PRDM4: variants seen among roughly 807,000 people sequenced by gnomAD.
The protein encoded by PRDM4 is PR/SET domain 4.
Under a neutral mutation model 62.3 loss-of-function variants are expected in PRDM4, and 38 were observed. The ratio of observed to expected loss-of-function variants is 0.61; its 90% confidence interval spans 0.47 to 0.80. The LOEUF (loss-of-function observed/expected upper bound fraction) is 0.80. PRDM4 is among the 30% of genes least tolerant of loss of function. The probability of loss-of-function intolerance (pLI) is 0.00; values close to 1 mark genes in which losing one functional copy is unlikely to be tolerated. For synonymous variants in PRDM4, 339 were observed against 348.2 expected, an observed-to-expected ratio of 0.97 and a Z score of 0.30; for missense variants, 858 against 997.1, an observed-to-expected ratio of 0.86 and a Z score of 1.88.
intron 2 of PRDM4, 66 bp from the exon 3 acceptor site, chr12:107,757,031 G>A: frequency 2.0e-6 from 3 of 1,527,046 alleles, no homozygotes; most frequent in African/African-American, 1.4e-5. Context: ...TTAAGATACT[G>A]AAGAAACTGA....
At chr12:107,739,348 C>G (rs1313700198) in intron 11 of PRDM4, 35 bp downstream of exon 11, 2 of 1,601,166 alleles carry the variant, frequency 1.2e-6, no homozygotes, top group South Asian at 2.3e-5. Context: ...GGCTCACCAC[C>G]TGAGGAACGA....
rs568266062 is a variant in PRDM4 at position 107,749,444 on chromosome 12, G to T, written c.1126+1971C>A. On this transcript the variant is annotated intron_variant, in intron 5 of 11. Coordinates refer to ENST00000228437, the MANE Select transcript of PRDM4 (RefSeq NM_012406.4). ...AGACAGGGTTTCACTATGCTGCCCA[G>T]GCTGATCTTGAACTCCTGGTCTCAA... is the stretch of plus-strand genomic sequence containing the variant. 3.9e-4 allele frequency among the ~76,000 whole-genome samples: 58 copies of T among 148,802 alleles called. 1 individual carries two copies. The highest frequency in any genetic ancestry group is 1.4e-3 in the African/African-American group (55 of 40,070).
intron 11 of PRDM4, among the ~76,000 whole-genome samples, chr12:107,737,127 C>G (rs1036274949): frequency 6.6e-6 from 1 of 151,680 alleles, no homozygotes; most frequent in African/African-American, 2.4e-5. Context: ...TGCTCACTTC[C>G]TCTTTCTTAC....
rs772384079 is a variant in PRDM4, at chr12:107,741,090, T to C, written c.1780A>G (p.Met594Val). ...HSKERKWKCS[M>V]CPQAFISPSK... ...GGAGAGATAAAAGCTTGGGGGCACA[T>C]TGAGCACTTCCACTTCCTTTCTTTG... The change falls in exon 10 of 12, where the codon ATG (methionine) becomes GTG (valine). Residue 594 changes from methionine (M) to valine (V), a missense_variant. By Grantham distance (21) the Met-to-Val change is conservative (BLOSUM62 1). Coordinates refer to ENST00000228437, the MANE Select transcript of PRDM4 (RefSeq NM_012406.4). 2.3e-5 allele frequency: 37 copies of C among 1,613,992 alleles called. No homozygotes were observed. Among genetic ancestry groups the C allele is most frequent in the East Asian group, 6.7e-5 (3 of 44,872 alleles).
intron 4 of PRDM4, among the ~76,000 whole-genome samples, 157 bp downstream of exon 4, chr12:107,753,767 A>G (rs1477491116): frequency 6.6e-6 from 1 of 152,232 alleles, no homozygotes; most frequent in African/African-American, 2.4e-5. Context: ...TTCTAAGAGG[A>G]AAAGTACATA....
At position 107,733,861 on chromosome 12, in the gene PRDM4, GAAT is replaced by G. The variant is rs1163710753; in HGVS notation, c.*346_*348del. 5 of 234,642 alleles carry G rather than the reference GAAT, an allele frequency of 2.1e-5. No homozygotes were observed. The highest frequency in any genetic ancestry group is 5.2e-5 in the Admixed American group (1 of 19,310). 14.5% of individuals were successfully genotyped at this position (234,642 alleles called of 1,614,324 possible). On this transcript the variant is annotated 3_prime_UTR_variant, in exon 12 of 12. Coordinates refer to ENST00000228437, the MANE Select transcript of PRDM4 (RefSeq NM_012406.4). ...AAGTCACAGGACCAGCAGGAAAATG[GAAT>G]AATGGAAGAATGTGAAATAAATCTG...
At chr12:107,759,485 G>C (rs1891162373) in intron 2 of PRDM4, among the ~76,000 whole-genome samples, 1 of 152,074 alleles carries the variant, frequency 6.6e-6, no homozygotes, top group African/African-American at 2.4e-5. Flanking sequence ...CTCTCATTCT[G>C]AAAATTCCTG....
At chr12:107,754,758 T>A (rs2136331730) in intron 3 of PRDM4, 1 of 152,300 alleles carries the variant, frequency 6.6e-6, no homozygotes, top group Non-Finnish European at 1.5e-5. Flanking sequence ...ACATAAAATG[T>A]TCATAGGAGT....
rs573661276 is a variant in PRDM4 at position 107,751,866 on chromosome 12, G to C, written c.675C>G (p.Ile225Met). 6.2e-7 allele frequency: 1 copy of C among 1,614,224 alleles called. No individual in the cohort carries two copies. The highest frequency in any genetic ancestry group is 2.2e-5 in the East Asian group (1 of 44,878). ...GTTCATGACTTCTGGAGCCATTTGG[G>C]ATTTGGGAATGCTCGCCTGCAACAC... ...MDGVAGEHSQ[I>M]PNGSRSHEPL... The change falls in exon 5 of 12, where the codon ATC becomes ATG. Residue 225 changes from isoleucine to methionine, a missense_variant. Ile to Met is a conservative substitution (Grantham distance 10). Transcript: ENST00000228437.
At chr12:107,746,484 C>T in intron 5 of PRDM4, 60 bp from the exon 6 acceptor site, 2 of 1,406,566 alleles carry the variant, frequency 1.4e-6, no homozygotes, top group Non-Finnish European at 1.9e-6. Context: ...TAAATTACCA[C>T]CACGGTTTTT....
Position 107,733,328 on chromosome 12 carries a change from C to T in PRDM4, c.*882G>A, listed in dbSNP as rs1272415341. The T allele has an allele frequency of 2.6e-5, 4 of 152,192 alleles. No individual in the cohort carries two copies. Among genetic ancestry groups the T allele is most frequent in the Admixed American group, 2.6e-4 (4 of 15,276 alleles). The allele number at this position is 152,192 out of a possible 1,614,324, so 9.4% of individuals were successfully genotyped here. On this transcript the variant is annotated 3_prime_UTR_variant, in exon 12 of 12. Transcript: ENST00000228437. ...GGTAAATGAAACATAAAAGATTATT[C>T]CCTTCCTTCCCTTCCTCAGGTGAGT... is the stretch of plus-strand genomic sequence containing the variant.
At chr12:107,749,345 CA>C (rs1227368096) in intron 5 of PRDM4, among the ~76,000 whole-genome samples, 1 of 151,490 alleles carries the variant, frequency 6.6e-6, no homozygotes, top group Non-Finnish European at 1.5e-5. Flanking sequence ...AAATCAAAAT[CA>C]TATCCTCCTC....
chr12:107,736,454 T>C (rs1309526452), intron 11 of PRDM4: 2 of 152,218 alleles, frequency 1.3e-5, no homozygotes, highest in African/African-American at 4.8e-5. Flanking sequence ...TGGATGTGCT[T>C]AGTATGCTCA....
In PRDM4 at chr12:107,734,128, A is replaced by G. The variant is rs1229931186; in HGVS notation, c.*82T>C. ...GAAAATAAATCAGGAACCATTTTATATAAAAACCATTATAGTAGATAACTG... is the reference window on the plus strand; with the variant it reads ...GAAAATAAATCAGGAACCATTTTATGTAAAAACCATTATAGTAGATAACTG... On this transcript the variant is annotated 3_prime_UTR_variant, in exon 12 of 12. Coordinates refer to ENST00000228437, the MANE Select transcript of PRDM4 (RefSeq NM_012406.4). 1 of 1,392,988 alleles carries G rather than the reference A, an allele frequency of 7.2e-7. No individual in the cohort carries two copies. Among genetic ancestry groups the G allele is most frequent in the African/African-American group, 1.5e-5 (1 of 68,944 alleles). 86.3% of individuals were successfully genotyped at this position (1,392,988 alleles called of 1,614,324 possible). A position where few individuals can be genotyped will look rare whatever the true frequency, so the allele number is the denominator to read the frequency against.
chr12:107,748,401 T>C (rs1264005989), intron 5 of PRDM4, among the ~76,000 whole-genome samples: 1 of 152,172 alleles, frequency 6.6e-6, no homozygotes, highest in Non-Finnish European at 1.5e-5. Flanking sequence ...ACAGCATTAT[T>C]CATAGTAGCC....
intron 9 of PRDM4, 110 bp from the exon 10 acceptor site, chr12:107,741,370 G>T: frequency 9.5e-7 from 1 of 1,057,866 alleles, no homozygotes; most frequent in Non-Finnish European, 1.3e-6. Context: ...TTTCCAATTT[G>T]CCCACTTCCT....
chr12:107,757,194 T>C (rs146724548), intron 2 of PRDM4, among the ~76,000 whole-genome samples: 1,577 of 152,298 alleles, frequency 0.01, 16 homozygotes, highest in Non-Finnish European at 0.016. Flanking sequence ...ATAGCAGAAA[T>C]AGGATTTGAA....
rs762041544 is a variant in PRDM4, at chr12:107,742,364, T to C, written c.1482-16A>G. On this transcript the variant is annotated splice_polypyrimidine_tract_variant and intron_variant, in intron 8 of 11. Transcript: ENST00000228437. ...TTCCCGGTTCCTGAGTTATCACATT[T>C]AATAGATCAAGCACATTAATTTTGA... The C allele has an allele frequency of 6.2e-7, 1 of 1,612,752 alleles. No individual in the cohort carries two copies.
intron 8 of PRDM4, among the ~76,000 whole-genome samples, chr12:107,742,792 C>G (rs1280220541): frequency 5.9e-5 from 8 of 135,420 alleles, no homozygotes; most frequent in Non-Finnish European, 1.6e-5. Context: ...GAGACAGAAT[C>G]TCACTTTGTC....
Sources: allele counts gnomAD v4.1 joint callset (sites outside exome capture counted in the v4.1 genomes callset), GRCh38; gene constraint gnomAD v4.1.1; transcripts MANE v1.5; gene names NCBI Gene and HGNC (gene_info 2026-07-23, HGNC 2026-07-21).